MED7: variants seen among roughly 807,000 people sequenced by gnomAD.
The protein encoded by MED7 is mediator complex subunit 7.
MED7 carries 7 observed loss-of-function variants against 16.6 expected under a neutral mutation model. The ratio of observed to expected loss-of-function variants is 0.42; its 90% CI spans 0.24 to 0.79. The LOEUF (loss-of-function observed/expected upper bound fraction) is 0.79, where lower values mean the gene tolerates loss of function less well. Ranked by LOEUF, MED7 falls within the 30% of genes least tolerant of loss-of-function variation. The pLI, the probability that MED7 is intolerant of heterozygous loss-of-function variation, is 0.27. For missense variants in MED7, 240 were observed against 286.3 expected, an observed-to-expected ratio of 0.84 and a Z score of 1.17; for synonymous variants, 88 against 90.5, an observed-to-expected ratio of 0.97 and a Z score of 0.16.
In MED7 at chr5:157,138,875, G is replaced by C. The variant is rs375189673; in HGVS notation, c.557C>G (p.Thr186Ser). 20 of 1,614,012 alleles carry C rather than the reference G, an allele frequency of 1.2e-5. No homozygotes were observed. The highest frequency in any genetic ancestry group is 1.4e-5 in the Non-Finnish European group (17 of 1,180,052). The stretch of plus-strand genomic sequence containing the variant: ...GCTATCATCAGCATCCATTGGTTCA[G>C]TTTTTACTCTCATTCCTGCTTCTGA... ...PHSEAGMRVK[T>S]EPMDADDSNN... Residue 186 changes from threonine to serine, a missense_variant, in exon 2 of 2, where the codon ACT (threonine) becomes AGT (serine). Transcript: ENST00000286317.
chr5:157,138,436 A>C lies in MED7; in HGVS notation c.*294T>G, dbSNP rs919923738. The C allele has an allele frequency of 3.6e-6, 1 of 275,626 alleles. No individual in the cohort carries two copies. Among genetic ancestry groups the C allele is most frequent in the African/African-American group, 2.2e-5 (1 of 45,648 alleles). 17.1% of individuals were successfully genotyped at this position (275,626 alleles called of 1,614,324 possible). Reference sequence around the variant, plus strand: ...CCTTTTCAAAGACGAAAACTTTGCTATTATTGAGGTTATCATCAAAGTTTT... The same window carrying C: ...CCTTTTCAAAGACGAAAACTTTGCTCTTATTGAGGTTATCATCAAAGTTTT... On this transcript the variant is annotated 3_prime_UTR_variant, in exon 2 of 2. Transcript: ENST00000286317.
intron 1 of MED7, among the ~76,000 whole-genome samples, chr5:157,140,609 G>T (rs999871969): frequency 4.6e-5 from 7 of 152,052 alleles, no homozygotes; most frequent in African/African-American, 1.7e-4. Context: ...CCACAGTGGT[G>T]CATAGGATGA....
chr5:157,142,324 G>A (rs1005661924), intron 1 of MED7: 8 of 152,216 alleles, frequency 5.3e-5, no homozygotes, highest in African/African-American at 1.7e-4. Flanking sequence ...ATGGGCCCTA[G>A]AATGTCGCTT....
At chr5:157,139,785 ACTACACAGGCTGTCTCCCAAT>A (rs1757697179) in intron 1 of MED7, among the ~76,000 whole-genome samples, 1 of 146,904 alleles carries the variant, frequency 6.8e-6, no homozygotes, top group Non-Finnish European at 1.5e-5. Context: ...CCATAACCAA[ACTACACAGGCTGTCTCCCAAT>A]CTCATATCAC....
chr5:157,142,219 T>C (rs1437009711), intron 1 of MED7, among the ~76,000 whole-genome samples: 1 of 152,176 alleles, frequency 6.6e-6, no homozygotes, highest in Non-Finnish European at 1.5e-5. Flanking sequence ...CAACATCTAG[T>C]GTTTGTTCTA....
In MED7 at chr5:157,137,571, C is replaced by G. The variant is rs891653661; in HGVS notation, c.*1159G>C. ...AACGGCAGGCAGAGATCCTCAGACACAAGGTCAACTCTCCACTAACACCTT... is the reference window on the plus strand; with the variant it reads ...AACGGCAGGCAGAGATCCTCAGACAGAAGGTCAACTCTCCACTAACACCTT... On this transcript the variant is annotated 3_prime_UTR_variant, in exon 2 of 2. Coordinates refer to ENST00000286317, the MANE Select transcript of MED7 (RefSeq NM_004270.5). 3 of 152,296 alleles carry G rather than the reference C, an allele frequency of 2.0e-5. No individual in the cohort carries two copies. The highest frequency in any genetic ancestry group is 7.2e-5 in the African/African-American group (3 of 41,434). 9.4% of individuals were successfully genotyped at this position (152,296 alleles called of 1,614,324 possible).
intron 1 of MED7, among the ~76,000 whole-genome samples, chr5:157,141,650 A>G (rs1757726391): frequency 6.6e-6 from 1 of 152,016 alleles, no homozygotes; most frequent in African/African-American, 2.4e-5. Context: ...GTGCAGTGGT[A>G]CCATCAGGGC....
rs1448413645 is a variant in MED7 at position 157,138,760 on chromosome 5, G to A, written c.672C>T (p.Val224=). The part of the protein sequence containing the change: ...QIIEKDAALC[V]LIDEMNERP ...GTCTTTCATTCATCTCATCAATTAG[G>A]ACACACAAGGCAGCATCTTTCTCTA... Residue 224 remains valine, a synonymous_variant, in exon 2 of 2, where the codon GTC becomes GTT. Transcript: ENST00000286317. 2 of 1,607,136 alleles carry A rather than the reference G, an allele frequency of 1.2e-6. No homozygotes were observed. Among genetic ancestry groups the A allele is most frequent in the South Asian group, 1.1e-5 (1 of 89,658 alleles).
Position 157,138,688 on chromosome 5 carries a change from T to C in MED7, c.*42A>G. On this transcript the variant is annotated 3_prime_UTR_variant, in exon 2 of 2. Transcript: ENST00000286317. ...GTCCAAAAGAAAATGAACTAATATA[T>C]GATGCTATTATCAAAAGGAAAAAAA... 1.4e-6 allele frequency: 2 copies of C among 1,447,600 alleles called. No individual in the cohort carries two copies. Among genetic ancestry groups the C allele is most frequent in the Non-Finnish European group, 1.9e-6 (2 of 1,069,756 alleles). The allele number at this position is 1,447,600 out of a possible 1,614,324, so 89.7% of individuals were successfully genotyped here.
At chr5:157,141,112 G>A (rs528533141) in intron 1 of MED7, among the ~76,000 whole-genome samples, 5 of 152,004 alleles carry the variant, frequency 3.3e-5, no homozygotes, top group African/African-American at 9.6e-5. Flanking sequence ...ACAGTGTCTC[G>A]CTCTGTCACC....
At position 157,138,882 on chromosome 5, in the gene MED7, C is replaced by T. The variant is rs769081025; in HGVS notation, c.550G>A (p.Val184Ile). The change falls in exon 2 of 2, where the codon GTA becomes ATA. Residue 184 changes from valine to isoleucine, a missense_variant. By Grantham distance (29) the Val-to-Ile change is conservative (BLOSUM62 3). Coordinates refer to ENST00000286317, the MANE Select transcript of MED7 (RefSeq NM_004270.5). ...DLPHSEAGMR[V>I]KTEPMDADDS... ...TCAGCATCCATTGGTTCAGTTTTTA[C>T]TCTCATTCCTGCTTCTGAATGAGGC... is the stretch of plus-strand genomic sequence containing the variant. The T allele has an allele frequency of 6.8e-6, 11 of 1,614,044 alleles. No homozygotes were observed. Among genetic ancestry groups the T allele is most frequent in the South Asian group, 2.2e-5 (2 of 91,090 alleles).
Position 157,139,414 on chromosome 5 carries a change from T to A in MED7, c.18A>T (p.Gln6His). The A allele has an allele frequency of 1.3e-6, 2 of 1,580,104 alleles. No individual in the cohort carries two copies. Among genetic ancestry groups the A allele is most frequent in the Non-Finnish European group, 1.7e-6 (2 of 1,164,960 alleles). ...TTGGAGGTGGTGGAAGTGCACTCAC[T>A]TGCTGTGGTTCACCCATTGTGGACT... MGEPQ[Q>H]VSALPPPPMQ... is the part of the protein sequence containing the mutation. The change falls in exon 2 of 2, where the codon CAA becomes CAT. Residue 6 changes from glutamine to histidine, a missense_variant. Physicochemically the swap from Gln to His is conservative, Grantham distance 24 (BLOSUM62 0). Transcript: ENST00000286317.
intron 1 of MED7, among the ~76,000 whole-genome samples, chr5:157,141,432 T>C (rs1757722672): frequency 6.6e-6 from 1 of 152,072 alleles, no homozygotes; most frequent in Admixed American, 6.6e-5. Flanking sequence ...CCTTTTTAGG[T>C]GAGGAGTGCT....
chr5:157,137,764 C>G lies in MED7; in HGVS notation c.*966G>C, dbSNP rs1416424419. The G allele has an allele frequency of 6.6e-6, 1 of 152,220 alleles. No individual in the cohort carries two copies. The highest frequency in any genetic ancestry group is 1.5e-5 in the Non-Finnish European group (1 of 68,088). The allele number at this position is 152,220 out of a possible 1,614,324, so 9.4% of individuals were successfully genotyped here. ...CATCTTCGGTGGCTTCCAAACTTATCCTGGATACGACCGTCCAACCAGCAG... is the reference window on the plus strand; with the variant it reads ...CATCTTCGGTGGCTTCCAAACTTATGCTGGATACGACCGTCCAACCAGCAG... On this transcript the variant is annotated 3_prime_UTR_variant, in exon 2 of 2. Transcript: ENST00000286317.
rs764405218 is a variant in MED7 at position 157,138,759 on chromosome 5, G to A, written c.673C>T (p.Leu225=). The change falls in exon 2 of 2, where the codon CTA becomes TTA. Residue 225 remains leucine (L), a synonymous_variant. Transcript: ENST00000286317. ...IIEKDAALCV[L]IDEMNERP ...GGTCTTTCATTCATCTCATCAATTA[G>A]GACACACAAGGCAGCATCTTTCTCT... 1.2e-6 allele frequency: 2 copies of A among 1,606,882 alleles called. No individual in the cohort carries two copies. The highest frequency in any genetic ancestry group is 4.5e-5 in the East Asian group (2 of 44,790).
chr5:157,137,589 A>G lies in MED7; in HGVS notation c.*1141T>C, dbSNP rs1330861090. The G allele has an allele frequency of 1.3e-5, 2 of 152,364 alleles. No homozygotes were observed. The highest frequency in any genetic ancestry group is 2.9e-5 in the Non-Finnish European group (2 of 68,172). 9.4% of individuals were successfully genotyped at this position (152,364 alleles called of 1,614,324 possible). A position where few individuals can be genotyped will look rare whatever the true frequency, so the allele number is the denominator to read the frequency against. ...TCAGACACAAGGTCAACTCTCCACT[A>G]ACACCTTGGTGGAAGAGCAGATGGA... On this transcript the variant is annotated 3_prime_UTR_variant, in exon 2 of 2. Transcript: ENST00000286317.
At chr5:157,141,158 G>C (rs558739258) in intron 1 of MED7, among the ~76,000 whole-genome samples, 1 of 152,194 alleles carries the variant, frequency 6.6e-6, no homozygotes, top group South Asian at 2.1e-4. Context: ...TCGGCTCACT[G>C]CAAGCTCGGA....
chr5:157,142,083 G>A (rs1052208299), intron 1 of MED7, among the ~76,000 whole-genome samples: 2 of 152,176 alleles, frequency 1.3e-5, no homozygotes, highest in African/African-American at 2.4e-5. Context: ...AATAAGGACT[G>A]GCATATCACA....
chr5:157,139,568 C>A, intron 1 of MED7, 120 bp from the exon 2 acceptor site: 1 of 538,172 alleles, frequency 1.9e-6, no homozygotes, highest in South Asian at 4.8e-5. Flanking sequence ...ACAAGATGAT[C>A]TCCTTGGTTT....
Sources: allele counts gnomAD v4.1 joint callset (sites outside exome capture counted in the v4.1 genomes callset), GRCh38; gene constraint gnomAD v4.1.1; transcripts MANE v1.5; gene names NCBI Gene and HGNC (gene_info 2026-07-23, HGNC 2026-07-21).